NIN: variants seen among roughly 807,000 people sequenced by gnomAD.
NIN encodes ninein.
A neutral mutation model predicts 257.6 loss-of-function variants in NIN; 137 were observed. The ratio of observed to expected loss-of-function variants is 0.53; its 90% CI spans 0.46 to 0.61. The LOEUF is 0.61. Ranked by LOEUF, NIN falls within the 20% of genes least tolerant of loss-of-function variation. NIN has a pLI of 0.00. For missense variants in NIN, 2,439 were observed against 2,501.2 expected, an observed-to-expected ratio of 0.98 and a Z score of 0.53; for synonymous variants, 918 against 919.8, an observed-to-expected ratio of 1.00 and a Z score of 0.04.
intron 5 of NIN, among the ~76,000 whole-genome samples, chr14:50,787,324 GA>G (rs1315321577): frequency 2.0e-5 from 3 of 152,188 alleles, no homozygotes; most frequent in Non-Finnish European, 4.4e-5. Flanking sequence ...GAGTAATCGA[GA>G]ACAGAATTGA....
At chr14:50,762,323 C>A (rs2050021358) in intron 15 of NIN, among the ~76,000 whole-genome samples, 1 of 152,112 alleles carries the variant, frequency 6.6e-6, no homozygotes, top group Non-Finnish European at 1.5e-5. Context: ...GACGATGTGG[C>A]AGGAAAATGA....
intron 5 of NIN, among the ~76,000 whole-genome samples, chr14:50,782,106 T>C (rs1409714070): frequency 6.6e-6 from 1 of 152,136 alleles, no homozygotes; most frequent in Non-Finnish European, 1.5e-5. Context: ...CCTATTAAAT[T>C]AGCAAAGTAT....
At chr14:50,817,251 G>A (rs1017460649) in intron 3 of NIN, among the ~76,000 whole-genome samples, 1 of 152,098 alleles carries the variant, frequency 6.6e-6, no homozygotes, top group African/African-American at 2.4e-5. Flanking sequence ...CAAACCAATG[G>A]CAGTTAATAT....
chr14:50,766,427 T>A, intron 13 of NIN, 31 bp from the exon 14 acceptor site: 1 of 1,603,028 alleles, frequency 6.2e-7, no homozygotes, highest in South Asian at 1.1e-5. Context: ...AGCTGTCATT[T>A]TTCCCGAGTG....
intron 28 of NIN, among the ~76,000 whole-genome samples, chr14:50,732,737 T>C (rs200313071): frequency 4.0e-5 from 6 of 150,878 alleles, no homozygotes; most frequent in African/African-American, 1.5e-4. Context: ...GTTTTTTGGG[T>C]TTTTTTTTGA....
chr14:50,794,487 A>G, intron 4 of NIN: 1 of 999,814 alleles, frequency 1.0e-6, no homozygotes, highest in South Asian at 4.7e-5. Flanking sequence ...AGCGGCCCAG[A>G]CACCCGAGCT....
chr14:50,746,994 TG>T (rs34570961), intron 22 of NIN, among the ~76,000 whole-genome samples: 1 of 152,214 alleles, frequency 6.6e-6, no homozygotes, highest in Admixed American at 6.5e-5. Flanking sequence ...CCTGAGTAGC[TG>T]GGACTACAGG....
At chr14:50,785,534 G>C (rs1032776439) in intron 5 of NIN, among the ~76,000 whole-genome samples, 7 of 152,330 alleles carry the variant, frequency 4.6e-5, no homozygotes, top group Admixed American at 3.9e-4. Context: ...AGAGAGAAGA[G>C]GAAGGAAATG....
chr14:50,763,763 TTG>T, intron 15 of NIN, 61 bp downstream of exon 15: 1 of 1,459,006 alleles, frequency 6.9e-7, no homozygotes, highest in Non-Finnish European at 9.4e-7. Flanking sequence ...CAATTTTATA[TTG>T]AACCACGTTT....
At chr14:50,763,455 TGA>T (rs2042349714) in intron 15 of NIN, among the ~76,000 whole-genome samples, 1 of 152,232 alleles carries the variant, frequency 6.6e-6, no homozygotes, top group African/African-American at 2.4e-5. Flanking sequence ...CATCTTCATA[TGA>T]GTTACACACT....
chr14:50,734,500 A>T (rs542531600), intron 28 of NIN, among the ~76,000 whole-genome samples: 1 of 152,344 alleles, frequency 6.6e-6, no homozygotes, highest in African/African-American at 2.4e-5. Context: ...TAAGTCTTAT[A>T]GTTCACTAAA....
rs1474419329 is a variant in NIN at position 50,757,599 on chromosome 14, A to T, written c.3431T>A (p.Leu1144Gln). 1 of 1,614,122 alleles carries T rather than the reference A, an allele frequency of 6.2e-7. No homozygotes were observed. Among genetic ancestry groups the T allele is most frequent in the Middle Eastern group, 1.6e-4 (1 of 6,062 alleles). ...QVEGVTRRHV[L>Q]SDLEDDEVRD... ...GACCTCATCATCTTCCAGGTCACTTAGGACATGCCGCCTGGTCACACCTTC... is the reference window on the plus strand; with the variant it reads ...GACCTCATCATCTTCCAGGTCACTTTGGACATGCCGCCTGGTCACACCTTC... Residue 1144 changes from leucine (L) to glutamine (Q), a missense_variant, in exon 18 of 31, where the codon CTA becomes CAA. Around this residue, in one of 3 missense-constraint regions of NIN, gnomAD observed 2,043 missense variants for 2,050.2 expected, o/e 1.00. Coordinates refer to ENST00000530997, the MANE Select transcript of NIN (RefSeq NM_020921.4).
intron 4 of NIN, 92 bp downstream of exon 4, chr14:50,806,645 C>T (rs1371170429): frequency 1.5e-6 from 1 of 672,418 alleles, no homozygotes; most frequent in Non-Finnish European, 2.6e-6. Context: ...GCAGATGTCC[C>T]CAATCCTTCA....
At chr14:50,770,655 G>A in intron 11 of NIN, 93 bp from the exon 12 acceptor site, 1 of 1,452,966 alleles carries the variant, frequency 6.9e-7, no homozygotes, top group South Asian at 1.3e-5. Flanking sequence ...GCACAGAGAT[G>A]AAAAGCACCT....
At position 50,770,955 on chromosome 14, in the gene NIN, G is replaced by A; in HGVS notation, c.1156C>T (p.Leu386=). The A allele has an allele frequency of 6.2e-7, 1 of 1,614,136 alleles. No individual in the cohort carries two copies. Among genetic ancestry groups the A allele is most frequent in the South Asian group, 1.1e-5 (1 of 91,080 alleles). The change falls in exon 11 of 31, where the codon CTA becomes TTA. Residue 386 remains leucine (L), a synonymous_variant. Coordinates refer to ENST00000530997, the MANE Select transcript of NIN (RefSeq NM_020921.4). ...TCGGCCTTGTCCAGATCTGACCGTA[G>A]CTTCTCTTTTTCTCTGACCACCTGA... is the stretch of plus-strand genomic sequence containing the variant. ...VDQVVREKEK[L]RSDLDKAEKL...
rs777769271 is a variant in NIN, at chr14:50,722,730, G to A, written c.*733C>T. 12 of 214,930 alleles carry A rather than the reference G, an allele frequency of 5.6e-5. No individual in the cohort carries two copies. The highest frequency in any genetic ancestry group is 9.0e-5 in the African/African-American group (4 of 44,368). 13.3% of individuals were successfully genotyped at this position (214,930 alleles called of 1,614,324 possible). ...CTGCTTTAATTATGTGGCTTTATCC[G>A]TTTCTTAGAAGACCAGCTCCCCAAA... is the stretch of plus-strand genomic sequence containing the variant. On this transcript the variant is annotated 3_prime_UTR_variant, in exon 31 of 31. Transcript: ENST00000530997.
intron 4 of NIN, among the ~76,000 whole-genome samples, chr14:50,795,259 T>C (rs1022758312): frequency 6.6e-6 from 1 of 152,194 alleles, no homozygotes; most frequent in African/African-American, 2.4e-5. Context: ...AATCACACCA[T>C]TTAAAAATAG....
rs2040271444 is a variant in NIN at position 50,721,593 on chromosome 14, A to C, written c.*1870T>G. On this transcript the variant is annotated 3_prime_UTR_variant, in exon 31 of 31. Coordinates refer to ENST00000530997, the MANE Select transcript of NIN (RefSeq NM_020921.4). ...CTGTGAAAGCTAATGCCATACAAGTAGTCAAACACTTACTAGAAATGTCTG... is the reference window on the plus strand; with the variant it reads ...CTGTGAAAGCTAATGCCATACAAGTCGTCAAACACTTACTAGAAATGTCTG... The C allele has an allele frequency of 4.6e-6, 1 of 217,696 alleles. No homozygotes were observed. Among genetic ancestry groups the C allele is most frequent in the East Asian group, 6.8e-5 (1 of 14,770 alleles). 13.5% of individuals were successfully genotyped at this position (217,696 alleles called of 1,614,324 possible).
At chr14:50,785,994 C>A in intron 5 of NIN, among the ~76,000 whole-genome samples, 1 of 152,182 alleles carries the variant, frequency 6.6e-6, no homozygotes. Context: ...TTAAGTGCTA[C>A]AAGTGCATGC....
Sources: allele counts gnomAD v4.1 joint callset (sites outside exome capture counted in the v4.1 genomes callset), GRCh38; gene constraint gnomAD v4.1.1; regional missense constraint gnomAD v4.1.1; transcripts MANE v1.5; gene names NCBI Gene and HGNC (gene_info 2026-07-23, HGNC 2026-07-21).